Variants in ABRAXAS1 observed in about 807,000 individuals in gnomAD.
ABRAXAS1 encodes abraxas 1, BRCA1 A complex subunit.
A neutral mutation model predicts 38.4 loss-of-function variants in ABRAXAS1; 26 were observed. That is an observed-to-expected ratio of 0.68 (90% CI 0.50 to 0.94). ABRAXAS1 has a LOEUF of 0.94. ABRAXAS1 is among the 40% of genes least tolerant of loss of function. The pLI is 0.00. For synonymous variants in ABRAXAS1, 144 were observed against 165.5 expected (o/e 0.87, Z 1.00); for missense variants, 438 against 481.9 (o/e 0.91, Z 0.85).
At chr4:83,474,528 A>G (rs894648963) in intron 3 of ABRAXAS1, among the ~76,000 whole-genome samples, 1 of 152,100 alleles carries the variant, frequency 6.6e-6, no homozygotes, top group African/African-American at 2.4e-5. Context: ...CCTGGCCAAC[A>G]TGGTGAAACT....
Position 83,478,182 on chromosome 4 carries a change from A to G in ABRAXAS1, c.179-1503T>C, listed in dbSNP as rs532930567. 1.7e-4 allele frequency: 121 copies of G among 720,486 alleles called. No homozygotes were observed. The African/African-American group carries it at 2.0e-3, about 12-fold the overall frequency. 44.6% of individuals were successfully genotyped at this position (720,486 alleles called of 1,614,324 possible). On this transcript the variant is annotated intron_variant, in intron 2 of 8. Transcript: ENST00000321945. ...ACTCACTTTGTTTCCAGCTTTACATATGGTTTGGCTGGGGCTCTTGCCTCT... is the reference window on the plus strand; with the variant it reads ...ACTCACTTTGTTTCCAGCTTTACATGTGGTTTGGCTGGGGCTCTTGCCTCT...
chr4:83,475,818 A>G (rs540174926), intron 3 of ABRAXAS1, among the ~76,000 whole-genome samples: 4 of 152,364 alleles, frequency 2.6e-5, no homozygotes, highest in South Asian at 2.1e-4. Context: ...AAGCTAAAAA[A>G]TACACAATGT....
At position 83,463,514 on chromosome 4, in the gene ABRAXAS1, C is replaced by G. The variant is rs201475497; in HGVS notation, c.776G>C (p.Gly259Ala). ...RLKREIEKRR[G>A]AQIQAAREKN... ...CTTACTTGCTGCCTGAATCTGTGCT[C>G]CTCTCCTTTTCTCAATTTCTCGTTT... The change falls in exon 8 of 9, where the codon GGA (glycine) becomes GCA (alanine). Residue 259 changes from glycine (G) to alanine (A), a missense_variant. Transcript: ENST00000321945. 1.4e-5 allele frequency: 23 copies of G among 1,608,040 alleles called. No individual in the cohort carries two copies. The East Asian group carries it at 4.9e-4, about 34-fold the overall frequency.
chr4:83,472,091 T>A lies in ABRAXAS1; in HGVS notation c.282+131A>T, dbSNP rs111692631. 0.015 allele frequency: 7,067 copies of A among 478,456 alleles called. 422 individuals are homozygous for A. The highest frequency in any genetic ancestry group is 0.13 in the African/African-American group (6,338 of 48,690). 29.6% of individuals were successfully genotyped at this position (478,456 alleles called of 1,614,324 possible). ...TTCAATTTCTGGGAAGAACAAACCT[T>A]TTCTTACTTACTTTACAGGATACTA... On this transcript the variant is annotated intron_variant, in intron 4 of 8. Transcript: ENST00000321945.
intron 2 of ABRAXAS1, chr4:83,480,363 C>G (rs779812102): frequency 2.3e-6 from 1 of 426,854 alleles, no homozygotes. Context: ...CAGAATGAGA[C>G]TCCATCTCAA....
chr4:83,468,974 T>C (rs1722482011), intron 6 of ABRAXAS1, 58 bp downstream of exon 6: 3 of 1,577,278 alleles, frequency 1.9e-6, no homozygotes, highest in Non-Finnish European at 2.6e-6. Flanking sequence ...GTTTGAGAAA[T>C]AAGAAAATTA....
chr4:83,478,205 T>C, intron 2 of ABRAXAS1: 8 of 696,346 alleles, frequency 1.1e-5, no homozygotes, highest in Non-Finnish European at 2.2e-5. Context: ...GGCTCTTGCC[T>C]CTAATCCAGG....
intron 7 of ABRAXAS1, among the ~76,000 whole-genome samples, chr4:83,464,823 T>C (rs186840325): frequency 5.9e-5 from 9 of 152,286 alleles, no homozygotes; most frequent in African/African-American, 2.2e-4. Context: ...AACAAAAAGG[T>C]CTGGAAGGAT....
chr4:83,467,499 T>C lies in ABRAXAS1; in HGVS notation c.636A>G (p.Val212=), dbSNP rs1035858335. Residue 212 remains valine (V), a synonymous_variant, in exon 7 of 9, where the codon GTA becomes GTG. Transcript: ENST00000321945. ...AAGCATACATTTCATTTATCTTATG[T>C]ACCTCCTTTAAGGATCCATCTTCTT... ...FFEEDGSLKE[V]HKINEMYASL... The C allele has an allele frequency of 3.8e-6, 6 of 1,568,946 alleles. No individual in the cohort carries two copies. The highest frequency in any genetic ancestry group is 4.4e-6 in the Non-Finnish European group (5 of 1,143,492).
intron 3 of ABRAXAS1, among the ~76,000 whole-genome samples, chr4:83,476,083 C>G (rs1041996561): frequency 6.6e-6 from 1 of 152,066 alleles, no homozygotes; most frequent in Non-Finnish European, 1.5e-5. Flanking sequence ...TGCCTGTGGT[C>G]CCAGCTACTT....
chr4:83,468,139 CTAAAAAAAATACAAA>C (rs1273523174), intron 6 of ABRAXAS1, among the ~76,000 whole-genome samples: 3 of 151,668 alleles, frequency 2.0e-5, no homozygotes, highest in African/African-American at 7.3e-5. Context: ...CCCGTCTCTA[CTAAAAAAAATACAAA>C]ATTAGCCGGG....
At position 83,460,163 on chromosome 4, in the gene ABRAXAS1, C is replaced by CT. The variant is rs36014997; in HGVS notation, c.*2305dup. The CT allele has an allele frequency of 0.55, 80,555 of 146,844 alleles. 22,302 individuals are homozygous for CT. The highest frequency in any genetic ancestry group is 0.66 in the East Asian group (3,368 of 5,080). The allele number at this position is 146,844 out of a possible 1,614,324, so 9.1% of individuals were successfully genotyped here. A position where few individuals can be genotyped will look rare whatever the true frequency, so the allele number is the denominator to read the frequency against. Reference sequence around the variant, plus strand: ...TTAGGTTCATCATATACAAATGCCACTTTTTTTTTTTTTTGAGATGGAATC... The same window carrying CT: ...TTAGGTTCATCATATACAAATGCCACTTTTTTTTTTTTTTTGAGATGGAATC... On this transcript the variant is annotated 3_prime_UTR_variant, in exon 9 of 9. Transcript: ENST00000321945.
intron 3 of ABRAXAS1, among the ~76,000 whole-genome samples, chr4:83,475,978 G>C (rs929684811): frequency 2.0e-5 from 3 of 152,286 alleles, no homozygotes; most frequent in African/African-American, 7.2e-5. Context: ...GAGGAAGGAG[G>C]ACGGCTTGAG....
intron 2 of ABRAXAS1, chr4:83,477,888 G>A: frequency 4.1e-6 from 3 of 739,030 alleles, no homozygotes; most frequent in East Asian, 3.1e-5. Flanking sequence ...AACATGATCT[G>A]TGGGGTAGTG....
intron 8 of ABRAXAS1, 29 bp downstream of exon 8, chr4:83,463,465 C>T: frequency 6.9e-7 from 1 of 1,451,368 alleles, no homozygotes; most frequent in Admixed American, 2.1e-5. Context: ...ATTTTTAGCA[C>T]AGAAAGTAGA....
At chr4:83,480,690 A>G (rs897158588) in intron 2 of ABRAXAS1, among the ~76,000 whole-genome samples, 4 of 152,234 alleles carry the variant, frequency 2.6e-5, no homozygotes, top group Non-Finnish European at 4.4e-5. Context: ...AATCTATAAT[A>G]GATAACGCCA....
chr4:83,467,437 T>C lies in ABRAXAS1; in HGVS notation c.681+17A>G. On this transcript the variant is annotated intron_variant, in intron 7 of 8. Transcript: ENST00000321945. ...CTCTATCTAGAAGTGGTTGACGTGT[T>C]TGATATGTTAACTTACCTTTAATTC... is the stretch of plus-strand genomic sequence containing the variant. 1 of 1,340,416 alleles carries C rather than the reference T, an allele frequency of 7.5e-7. No individual in the cohort carries two copies. Among genetic ancestry groups the C allele is most frequent in the Non-Finnish European group, 1.1e-6 (1 of 935,498 alleles). 83.0% of individuals were successfully genotyped at this position (1,340,416 alleles called of 1,614,324 possible). A position where few individuals can be genotyped will look rare whatever the true frequency, so the allele number is the denominator to read the frequency against.
In ABRAXAS1 at chr4:83,477,986, A is replaced by G. The variant is rs1722845299; in HGVS notation, c.179-1307T>C. ...TCAAGGAAGTTTGTTCCAAGGGAGC[A>G]TGATTGGCAGCTTCATCGATATATA... On this transcript the variant is annotated intron_variant, in intron 2 of 8. Coordinates refer to ENST00000321945, the MANE Select transcript of ABRAXAS1 (RefSeq NM_139076.3). The G allele has an allele frequency of 4.2e-6, 4 of 961,104 alleles. No homozygotes were observed. The South Asian group carries it at 5.1e-5, about 12-fold the overall frequency. The allele number at this position is 961,104 out of a possible 1,614,324, so 59.5% of individuals were successfully genotyped here.
rs1043315674 is a variant in ABRAXAS1 at position 83,460,073 on chromosome 4, T to G, written c.*2396A>C. Reference sequence around the variant, plus strand: ...ACTATAATCATTCCTAGATTGATACTTAAACTTGGTGTCAGCAAACTATGG... The same window carrying G: ...ACTATAATCATTCCTAGATTGATACGTAAACTTGGTGTCAGCAAACTATGG... On this transcript the variant is annotated 3_prime_UTR_variant, in exon 9 of 9. Coordinates refer to ENST00000321945, the MANE Select transcript of ABRAXAS1 (RefSeq NM_139076.3). The G allele has an allele frequency of 8.4e-6, 2 of 238,606 alleles. No homozygotes were observed. Among genetic ancestry groups the G allele is most frequent in the African/African-American group, 4.5e-5 (2 of 44,620 alleles). The allele number at this position is 238,606 out of a possible 1,614,324, so 14.8% of individuals were successfully genotyped here.
Sources: allele counts gnomAD v4.1 joint callset (sites outside exome capture counted in the v4.1 genomes callset), GRCh38; gene constraint gnomAD v4.1.1; transcripts MANE v1.5; gene names NCBI Gene and HGNC (gene_info 2026-07-23, HGNC 2026-07-21).